SP1: variants seen among roughly 807,000 people sequenced by gnomAD.
The protein encoded by SP1 is transcription factor Sp1.
Under a neutral mutation model 66.3 loss-of-function variants are expected in SP1, and 6 were observed. That is an observed-to-expected ratio of 0.09 (90% CI 0.05 to 0.18). SP1 has a LOEUF of 0.18. Ranked by LOEUF, SP1 falls within the 10% of genes least tolerant of loss-of-function variation. The pLI, the probability that SP1 is intolerant of heterozygous loss-of-function variation, is 1.00. For synonymous variants in SP1, 417 were observed against 360.8 expected (o/e 1.16, Z -1.77); for missense variants, 848 against 964.5 (o/e 0.88, Z 1.60).
intron 3 of SP1, among the ~76,000 whole-genome samples, chr12:53,397,044 T>A (rs1938507389): frequency 6.6e-6 from 1 of 152,156 alleles, no homozygotes; most frequent in Non-Finnish European, 1.5e-5. Context: ...AGCGGGAGTT[T>A]TGCTCTGTTG....
intron 5 of SP1, among the ~76,000 whole-genome samples, chr12:53,409,862 T>C (rs1329927371): frequency 6.6e-6 from 1 of 151,746 alleles, no homozygotes; most frequent in Non-Finnish European, 1.5e-5. Flanking sequence ...ACAAAAAAAT[T>C]AGCCGGGCAT....
At position 53,414,743 on chromosome 12, in the gene SP1, T is replaced by C. The variant is rs1938962750; in HGVS notation, c.*3503T>C. The C allele has an allele frequency of 6.6e-6, 1 of 152,634 alleles. No individual in the cohort carries two copies. The highest frequency in any genetic ancestry group is 6.5e-5 in the Admixed American group (1 of 15,278). 9.5% of individuals were successfully genotyped at this position (152,634 alleles called of 1,614,324 possible). A position where few individuals can be genotyped will look rare whatever the true frequency, so the allele number is the denominator to read the frequency against. The stretch of plus-strand genomic sequence containing the variant: ...AATACTGGAAGCTGCAGATCTTTGC[T>C]AGGACGCAATAAATTTATATACTTT... On this transcript the variant is annotated 3_prime_UTR_variant, in exon 6 of 6. Coordinates refer to ENST00000327443, the MANE Select transcript of SP1 (RefSeq NM_138473.3).
At chr12:53,394,140 G>A (rs975743737) in intron 3 of SP1, among the ~76,000 whole-genome samples, 3 of 151,786 alleles carry the variant, frequency 2.0e-5, no homozygotes, top group African/African-American at 4.8e-5. Context: ...ATTTGAACCC[G>A]GGAGGTGGAG....
chr12:53,404,269 C>T (rs957324191), intron 3 of SP1, among the ~76,000 whole-genome samples: 2 of 151,762 alleles, frequency 1.3e-5, no homozygotes, highest in South Asian at 2.1e-4. Context: ...TGCGGTGACT[C>T]ACGCCTGTAA....
intron 3 of SP1, among the ~76,000 whole-genome samples, chr12:53,387,605 G>A (rs939466920): frequency 6.6e-6 from 1 of 152,212 alleles, no homozygotes; most frequent in Admixed American, 6.6e-5. Context: ...ATCACTTAAT[G>A]AGACAACAGC....
intron 5 of SP1, among the ~76,000 whole-genome samples, 171 bp downstream of exon 5, chr12:53,409,732 G>A (rs1256247796): frequency 6.6e-6 from 1 of 152,200 alleles, no homozygotes; most frequent in African/African-American, 2.4e-5. Context: ...AGGAGGGGCT[G>A]GGTGCAGTGG....
chr12:53,408,608 T>A (rs1413237188), intron 4 of SP1, among the ~76,000 whole-genome samples: 1 of 150,894 alleles, frequency 6.6e-6, no homozygotes, highest in African/African-American at 2.4e-5. Context: ...TAGAAACCTT[T>A]TTAAAAAAGA....
chr12:53,415,056 T>G lies in SP1; in HGVS notation c.*3816T>G, dbSNP rs1356090656. The stretch of plus-strand genomic sequence containing the variant: ...TTTATCTCCCTTAGAAGAGAGCCAG[T>G]AACTTATGTACAAGGATGAAAGAAA... On this transcript the variant is annotated 3_prime_UTR_variant, in exon 6 of 6. Coordinates refer to ENST00000327443, the MANE Select transcript of SP1 (RefSeq NM_138473.3). 6.6e-6 allele frequency: 1 copy of G among 152,554 alleles called. No homozygotes were observed. Among genetic ancestry groups the G allele is most frequent in the Non-Finnish European group, 1.5e-5 (1 of 68,040 alleles). 9.5% of individuals were successfully genotyped at this position (152,554 alleles called of 1,614,324 possible). A position where few individuals can be genotyped will look rare whatever the true frequency, so the allele number is the denominator to read the frequency against.
At chr12:53,387,476 C>T (rs1446938846) in intron 3 of SP1, among the ~76,000 whole-genome samples, 1 of 152,108 alleles carries the variant, frequency 6.6e-6, no homozygotes, top group Non-Finnish European at 1.5e-5. Flanking sequence ...TGAGCTTTAA[C>T]AAGACAGTAA....
chr12:53,410,862 T>C, intron 5 of SP1, 65 bp from the exon 6 acceptor site: 2 of 1,197,196 alleles, frequency 1.7e-6, no homozygotes, highest in Non-Finnish European at 2.4e-6. Flanking sequence ...GAGTAAGCAC[T>C]GAATTGGGTA....
intron 3 of SP1, among the ~76,000 whole-genome samples, chr12:53,397,615 C>A (rs1265349089): frequency 2.8e-5 from 4 of 143,866 alleles, no homozygotes; most frequent in Non-Finnish European, 6.0e-5. Context: ...GAGATGGAGT[C>A]CTGCTCTTCG....
chr12:53,383,000 T>C lies in SP1; in HGVS notation c.1053T>C (p.Ser351=), dbSNP rs1938143989. Residue 351 remains serine (S), a synonymous_variant, in exon 3 of 6, where the codon TCT becomes TCC. Transcript: ENST00000327443. ...FTTSGSSGTN[S]QGQTPQRVSG... ...CCAGTGGATCATCAGGGACCAACTC[T>C]CAAGGCCAGACACCCCAGAGGGTCA... The C allele has an allele frequency of 1.2e-6, 2 of 1,613,998 alleles. No individual in the cohort carries two copies. Among genetic ancestry groups the C allele is most frequent in the Non-Finnish European group, 1.7e-6 (2 of 1,180,042 alleles).
chr12:53,408,012 C>G (rs1938785509), intron 4 of SP1, among the ~76,000 whole-genome samples: 1 of 143,208 alleles, frequency 7.0e-6, no homozygotes, highest in Non-Finnish European at 1.5e-5. Context: ...TTTGGGAGGC[C>G]AAGGCGGGCG....
chr12:53,384,394 C>G (rs992081351), intron 3 of SP1, among the ~76,000 whole-genome samples: 1 of 151,892 alleles, frequency 6.6e-6, no homozygotes, highest in African/African-American at 2.4e-5. Context: ...AAGCGATTCT[C>G]TTGCCTGGGC....
intron 3 of SP1, among the ~76,000 whole-genome samples, chr12:53,390,860 CAA>C (rs1438576519): frequency 1.3e-5 from 2 of 152,142 alleles, no homozygotes; most frequent in African/African-American, 2.4e-5. Context: ...AATTAAATAA[CAA>C]GAGTGCCTTC....
rs1211751174 is a variant in SP1 at position 53,382,773 on chromosome 12, A to G, written c.826A>G (p.Thr276Ala). 3 of 1,614,018 alleles carry G rather than the reference A, an allele frequency of 1.9e-6. No homozygotes were observed. Among genetic ancestry groups the G allele is most frequent in the Non-Finnish European group, 2.5e-6 (3 of 1,180,040 alleles). ...LLPVNSVSAA[T>A]LTPSSQAVTI... Reference sequence around the variant, plus strand: ...ACCTGTCAACAGCGTTTCTGCAGCTACCTTGACTCCCAGCTCTCAGGCAGT... The same window carrying G: ...ACCTGTCAACAGCGTTTCTGCAGCTGCCTTGACTCCCAGCTCTCAGGCAGT... The change falls in exon 3 of 6, where the codon ACC becomes GCC. Residue 276 changes from threonine to alanine, a missense_variant. This residue lies in a region of SP1 where 606 missense variants were observed against 589.9 expected (regional missense o/e 1.03). Transcript: ENST00000327443.
intron 3 of SP1, among the ~76,000 whole-genome samples, chr12:53,388,127 AC>A (rs1323944019): frequency 6.6e-6 from 1 of 152,188 alleles, no homozygotes; most frequent in African/African-American, 2.4e-5. Context: ...TTTTATAAAA[AC>A]TGACCTCTAC....
chr12:53,383,943 T>C (rs1187052820), intron 3 of SP1, among the ~76,000 whole-genome samples: 2 of 151,790 alleles, frequency 1.3e-5, no homozygotes, highest in African/African-American at 4.8e-5. Flanking sequence ...TTTTAGACAT[T>C]GTGGGCCTCA....
chr12:53,409,568 A>G lies in SP1; in HGVS notation c.2044+7A>G, dbSNP rs554717158. On this transcript the variant is annotated splice_region_variant and intron_variant, in intron 5 of 5. Coordinates refer to ENST00000327443, the MANE Select transcript of SP1 (RefSeq NM_138473.3). Reference sequence around the variant, plus strand: ...CACAAACGTACACACACAGGTGAGCAAGAGCCTATGGGAGAGAAAAATAGT... The same window carrying G: ...CACAAACGTACACACACAGGTGAGCGAGAGCCTATGGGAGAGAAAAATAGT... 58 of 1,611,862 alleles carry G rather than the reference A, an allele frequency of 3.6e-5. No homozygotes were observed. In the East Asian group the frequency reaches 1.0e-3, roughly 29 times the overall value.
Sources: allele counts gnomAD v4.1 joint callset (sites outside exome capture counted in the v4.1 genomes callset), GRCh38; gene constraint gnomAD v4.1.1; regional missense constraint gnomAD v4.1.1; transcripts MANE v1.5; gene names NCBI Gene and HGNC (gene_info 2026-07-23, HGNC 2026-07-21).